RASSF3: variants seen among roughly 807,000 people sequenced by gnomAD.
RASSF3 encodes Ras association domain family member 3.
RASSF3 carries 19 observed loss-of-function variants against 19.9 expected under a neutral mutation model. The observed-to-expected ratio is 0.96, with a 90% CI of 0.67 to 1.40. The LOEUF (loss-of-function observed/expected upper bound fraction) is 1.40, where lower values mean the gene tolerates loss of function less well. Ranked by LOEUF, RASSF3 falls within the 40% of genes most tolerant of loss-of-function variation. The pLI, the probability that RASSF3 is intolerant of heterozygous loss-of-function variation, is 0.00. For synonymous variants in RASSF3, 110 were observed against 104.2 expected (o/e 1.06, Z -0.34); for missense variants, 306 against 289.8 (o/e 1.06, Z -0.41).
chr12:64,513,999 C>T (rs1868344346), intron 1 of RASSF3, among the ~76,000 whole-genome samples: 1 of 150,908 alleles, frequency 6.6e-6, no homozygotes, highest in Non-Finnish European at 1.5e-5. Context: ...CCTGCCTCAT[C>T]CTCCTGAGTA....
chr12:64,586,758 A>C (rs1025711448), intron 2 of RASSF3, among the ~76,000 whole-genome samples: 1 of 151,680 alleles, frequency 6.6e-6, no homozygotes. Flanking sequence ...CCCCTTCCCT[A>C]CTAAAAATAC....
chr12:64,603,473 C>A (rs1837293306), intron 2 of RASSF3, among the ~76,000 whole-genome samples: 2 of 152,142 alleles, frequency 1.3e-5, no homozygotes, highest in Non-Finnish European at 2.9e-5. Flanking sequence ...CTCATTAGGT[C>A]CTAGATATGT....
chr12:64,584,316 C>A (rs1869755065), intron 2 of RASSF3, among the ~76,000 whole-genome samples: 1 of 152,118 alleles, frequency 6.6e-6, no homozygotes, highest in Non-Finnish European at 1.5e-5. Flanking sequence ...TATGCTGATT[C>A]TTTCTTTTGC....
At chr12:64,653,640 T>C (rs1288952121) in intron 1 of RASSF3, among the ~76,000 whole-genome samples, 2 of 151,708 alleles carry the variant, frequency 1.3e-5, no homozygotes, top group African/African-American at 2.4e-5. Context: ...ACATGGCTCA[T>C]TGGAGCAGCC....
intron 1 of RASSF3, among the ~76,000 whole-genome samples, chr12:64,664,399 A>G (rs532282370): frequency 1.3e-5 from 2 of 152,348 alleles, no homozygotes; most frequent in East Asian, 3.9e-4. Context: ...TGGGAAAAAT[A>G]TACATATCAG....
chr12:64,590,043 C>A (rs1592410344), intron 2 of RASSF3, among the ~76,000 whole-genome samples: 1 of 135,004 alleles, frequency 7.4e-6, no homozygotes, highest in African/African-American at 2.8e-5. Context: ...CCAGCATGAG[C>A]AAAGTGGCAG....
chr12:64,560,104 G>A (rs7313302), intron 2 of RASSF3, among the ~76,000 whole-genome samples: 73,159 of 152,052 alleles, frequency 0.48, 19,458 homozygotes, highest in Non-Finnish European at 0.6. Context: ...GGGCCAGCCC[G>A]GCAGACCTGG....
chr12:64,566,519 G>C (rs1285887299), intron 2 of RASSF3, among the ~76,000 whole-genome samples: 2 of 152,130 alleles, frequency 1.3e-5, no homozygotes, highest in African/African-American at 2.4e-5. Context: ...CCTGAAAGGA[G>C]AGACAGAGCC....
At chr12:64,607,151 G>T (rs1311945949), upstream of RASSF3, among the ~76,000 whole-genome samples, 1 of 151,434 alleles carries the variant, frequency 6.6e-6, no homozygotes, top group African/African-American at 2.4e-5. Flanking sequence ...AGGCCTGGTG[G>T]CATATGCCTG....
chr12:64,543,766 G>A (rs1048023306), downstream of RASSF3, among the ~76,000 whole-genome samples: 8 of 151,774 alleles, frequency 5.3e-5, no homozygotes, highest in African/African-American at 1.5e-4. Flanking sequence ...AAGGGATTGT[G>A]AATACACTAA....
intron 1 of RASSF3, among the ~76,000 whole-genome samples, chr12:64,670,007 C>G (rs1252837840): frequency 6.8e-6 from 1 of 146,512 alleles, no homozygotes; most frequent in African/African-American, 2.5e-5. Flanking sequence ...ACCTTTACTT[C>G]TGGCACTTCT....
intron 2 of RASSF3, among the ~76,000 whole-genome samples, chr12:64,562,441 C>G (rs1221928468): frequency 2.0e-5 from 3 of 152,134 alleles, no homozygotes; most frequent in Non-Finnish European, 4.4e-5. Flanking sequence ...TTCCTAGTAT[C>G]TTCATATGAG....
At chr12:64,664,157 G>A (rs1386198802) in intron 1 of RASSF3, among the ~76,000 whole-genome samples, 1 of 151,912 alleles carries the variant, frequency 6.6e-6, no homozygotes, top group Non-Finnish European at 1.5e-5. Context: ...TCCGTTCCTG[G>A]TCATTTCATC....
Position 64,695,119 on chromosome 12 carries a change from A to G in RASSF3, c.*207A>G. On this transcript the variant is annotated 3_prime_UTR_variant, in exon 5 of 5. Transcript: ENST00000542104. ...GGACTCTGCAAGCTTGTTGTTCAGC[A>G]CCGCAGTGTTACCTCTTGGCAAGCT... 1 of 519,034 alleles carries G rather than the reference A, an allele frequency of 1.9e-6. No individual in the cohort carries two copies. Among genetic ancestry groups the G allele is most frequent in the Admixed American group, 3.2e-5 (1 of 31,280 alleles). The allele number at this position is 519,034 out of a possible 1,614,324, so 32.2% of individuals were successfully genotyped here.
chr12:64,656,747 A>G (rs1185556866), intron 1 of RASSF3, among the ~76,000 whole-genome samples: 2 of 152,230 alleles, frequency 1.3e-5, no homozygotes, highest in Non-Finnish European at 2.9e-5. Context: ...CTGATGGAAT[A>G]TCTGGGATTT....
chr12:64,524,848 G>A (rs1410864561), intron 1 of RASSF3, among the ~76,000 whole-genome samples: 1 of 152,182 alleles, frequency 6.6e-6, no homozygotes, highest in East Asian at 1.9e-4. Flanking sequence ...ATCAGAAATG[G>A]TGAGAACTAT....
intron 1 of RASSF3, among the ~76,000 whole-genome samples, chr12:64,515,759 A>C (rs1454142154): frequency 6.6e-6 from 1 of 152,114 alleles, no homozygotes; most frequent in Non-Finnish European, 1.5e-5. Flanking sequence ...TCCTGGGCTT[A>C]AGCAATCCTC....
At chr12:64,608,017 C>A (rs1870223483), upstream of RASSF3, among the ~76,000 whole-genome samples, 2 of 152,092 alleles carry the variant, frequency 1.3e-5, no homozygotes, top group Non-Finnish European at 2.9e-5. Flanking sequence ...AATCCTCCCA[C>A]CTCGGCCTTC....
upstream of RASSF3, among the ~76,000 whole-genome samples, chr12:64,608,842 A>G (rs1242775917): frequency 6.6e-6 from 1 of 152,234 alleles, no homozygotes; most frequent in Non-Finnish European, 1.5e-5. Flanking sequence ...GATTATGTGC[A>G]TGGCACACAC....
Sources: gnomAD v4.1 joint callset for allele counts (sites outside exome capture counted in the v4.1 genomes callset) on GRCh38, gnomAD v4.1.1 for gene constraint, MANE v1.5 for transcripts, NCBI Gene and HGNC (gene_info 2026-07-23, HGNC 2026-07-21) for gene names.